Variants in RANBP2 observed in about 807,000 individuals in gnomAD.
RANBP2 encodes RAN binding protein 2.
In RANBP2, 57 loss-of-function variants were observed where a neutral mutation model predicts 303.6. The ratio of observed to expected loss-of-function variants is 0.19; its 90% CI spans 0.15 to 0.23. The LOEUF is 0.23. RANBP2 is among the 10% of genes least tolerant of loss of function. RANBP2 has a pLI of 1.00. For missense variants in RANBP2, 3,138 were observed against 3,780.8 expected, an observed-to-expected ratio of 0.83 and a Z score of 4.46; for synonymous variants, 1,167 against 1,301.5, an observed-to-expected ratio of 0.90 and a Z score of 2.23.
chr2:108,723,011 A>G (rs1013029316), intron 1 of RANBP2, among the ~76,000 whole-genome samples: 4 of 152,058 alleles, frequency 2.6e-5, no homozygotes, highest in Non-Finnish European at 5.9e-5. Flanking sequence ...GCTGATTCCT[A>G]CTTCTCAAAG....
At chr2:109,613,733 A>AGGGCGGGAAGTCCCGCGGG in the RANBP2 span, 1 of 1,079,862 alleles carries the variant, frequency 9.3e-7, no homozygotes, top group East Asian at 3.4e-5. Context: ...CGGTGGGTCG[A>AGGGCGGGAAGTCCCGCGGG]GGGCGGGAAG....
the RANBP2 span, among the ~76,000 whole-genome samples, chr2:109,528,993 G>A: frequency 1.3e-5 from 2 of 152,158 alleles, no homozygotes; most frequent in African/African-American, 4.8e-5. Context: ...CTGGGCCTCC[G>A]ACTTCCTCCA....
rs566735406 is a variant in RANBP2 at position 108,763,501 on chromosome 2, G to T, written c.2962G>T (p.Ala988Ser). ...ATATTTCACAAAACCTCCGATTGCAGCTCATGCTTCAAGATCTGCAGAATC... is the reference window on the plus strand; with the variant it reads ...ATATTTCACAAAACCTCCGATTGCATCTCATGCTTCAAGATCTGCAGAATC... Reference protein sequence around the residue: ...PGYFTKPPIAAHASRSAESKT... With the variant: ...PGYFTKPPIASHASRSAESKT... Residue 988 changes from alanine to serine, a missense_variant, in exon 20 of 29, where the codon GCT becomes TCT. Around this residue, in one of 20 missense-constraint regions of RANBP2, gnomAD observed 403 missense variants for 376.7 expected, o/e 1.07. Coordinates refer to ENST00000283195, the MANE Select transcript of RANBP2 (RefSeq NM_006267.5). 9.9e-6 allele frequency: 16 copies of T among 1,613,976 alleles called. No homozygotes were observed. Among genetic ancestry groups the T allele is most frequent in the African/African-American group, 1.3e-5 (1 of 74,898 alleles).
chr2:108,989,901 G>C, the RANBP2 span, among the ~76,000 whole-genome samples: 3 of 152,246 alleles, frequency 2.0e-5, no homozygotes, highest in South Asian at 2.1e-4. Flanking sequence ...TACAGGAACA[G>C]AGCAGCTCCT....
the RANBP2 span, among the ~76,000 whole-genome samples, chr2:109,586,929 T>A: frequency 6.6e-6 from 1 of 152,154 alleles, no homozygotes; most frequent in Non-Finnish European, 1.5e-5. Flanking sequence ...AGTTCAAGAC[T>A]CTGCAGAAGA....
chr2:109,227,860 G>A, the RANBP2 span, among the ~76,000 whole-genome samples: 15 of 152,180 alleles, frequency 9.9e-5, no homozygotes, highest in African/African-American at 2.9e-4. Flanking sequence ...CGGTCGCTCC[G>A]CCTTTCATCG....
At chr2:109,376,014 G>A in the RANBP2 span, among the ~76,000 whole-genome samples, 968 of 152,354 alleles carry the variant, frequency 6.4e-3, 9 homozygotes, top group East Asian at 0.046. Flanking sequence ...AGTGGCAGAC[G>A]TCATGGGCTA....
At chr2:109,044,070 G>T in the RANBP2 span, among the ~76,000 whole-genome samples, 1 of 152,140 alleles carries the variant, frequency 6.6e-6, no homozygotes, top group South Asian at 2.1e-4. Context: ...GAAATCAGAA[G>T]TGGTTTTTAA....
At chr2:108,815,937 A>G in the RANBP2 span, 3 of 1,599,040 alleles carry the variant, frequency 1.9e-6, no homozygotes, top group Non-Finnish European at 1.7e-6. Flanking sequence ...TTTTTGACAT[A>G]TAGGTACCAC....
the RANBP2 span, among the ~76,000 whole-genome samples, chr2:109,001,969 A>G: frequency 6.6e-6 from 1 of 151,850 alleles, no homozygotes; most frequent in African/African-American, 2.4e-5. Flanking sequence ...TGACCTCATG[A>G]TCCGCCCGCC....
At chr2:108,930,733 A>C in the RANBP2 span, among the ~76,000 whole-genome samples, 1 of 152,116 alleles carries the variant, frequency 6.6e-6, no homozygotes, top group Admixed American at 6.5e-5. Context: ...GCAATCAAGA[A>C]CGTTTATATC....
At chr2:109,456,791 G>A in the RANBP2 span, among the ~76,000 whole-genome samples, 3 of 152,356 alleles carry the variant, frequency 2.0e-5, no homozygotes, top group Non-Finnish European at 2.9e-5. Flanking sequence ...AGGGCACTGG[G>A]AATGAAACCA....
chr2:109,148,527 C>T, the RANBP2 span, among the ~76,000 whole-genome samples: 3 of 152,312 alleles, frequency 2.0e-5, no homozygotes, highest in South Asian at 6.2e-4. Context: ...GAGTAATTGG[C>T]TCTGGGGAAT....
At chr2:108,965,245 AG>A in the RANBP2 span, among the ~76,000 whole-genome samples, 9 of 152,130 alleles carry the variant, frequency 5.9e-5, no homozygotes, top group African/African-American at 2.2e-4. Context: ...TGGGAGGCCG[AG>A]GCAGGCGGAT....
At chr2:109,296,013 T>C in the RANBP2 span, among the ~76,000 whole-genome samples, 2 of 152,050 alleles carry the variant, frequency 1.3e-5, no homozygotes, top group Admixed American at 6.5e-5. Context: ...CTGTGAAGGA[T>C]TGATGGGAGG....
the RANBP2 span, among the ~76,000 whole-genome samples, chr2:109,676,964 T>A: frequency 1.3e-5 from 2 of 152,212 alleles, no homozygotes; most frequent in South Asian, 2.1e-4. Flanking sequence ...TGTATTTTTT[T>A]TTCCGAAGCT....
the RANBP2 span, among the ~76,000 whole-genome samples, chr2:109,314,013 G>C: frequency 6.6e-6 from 1 of 152,182 alleles, no homozygotes; most frequent in African/African-American, 2.4e-5. Flanking sequence ...GGAGTACCAG[G>C]CTGTGGGACA....
chr2:108,853,895 A>ATAC, the RANBP2 span, among the ~76,000 whole-genome samples: 9 of 119,546 alleles, frequency 7.5e-5, no homozygotes, highest in South Asian at 2.0e-3. Context: ...TATATAGTAT[A>ATAC]TATATTATAT....
the RANBP2 span, among the ~76,000 whole-genome samples, chr2:108,944,937 G>T: frequency 2.0e-5 from 3 of 151,966 alleles, no homozygotes; most frequent in Non-Finnish European, 2.9e-5. Flanking sequence ...AGAAGGCCTA[G>T]GGTGTCCCTG....
Sources: allele counts gnomAD v4.1 joint callset (sites outside exome capture counted in the v4.1 genomes callset), GRCh38; gene constraint gnomAD v4.1.1; regional missense constraint gnomAD v4.1.1; transcripts MANE v1.5; gene names NCBI Gene and HGNC (gene_info 2026-07-23, HGNC 2026-07-21).